Variants in IL19 observed in about 807,000 individuals in gnomAD.
The protein encoded by IL19 is interleukin 19.
In IL19, 15 loss-of-function variants were observed where a neutral mutation model predicts 19.5. The ratio of observed to expected loss-of-function variants is 0.77; its 90% confidence interval spans 0.52 to 1.19. The LOEUF is 1.19. IL19 is among the 50% of genes most tolerant of loss of function. The pLI is 0.00. For missense variants in IL19, 199 were observed against 213.1 expected (o/e 0.93, Z 0.41); for synonymous variants, 78 against 78.3 (o/e 1.00, Z 0.02).
intron 2 of IL19, chr1:206,833,649 C>T (rs901567656): frequency 1.0e-6 from 1 of 984,974 alleles, no homozygotes; most frequent in African/African-American, 1.7e-5. Context: ...GTCTTCTAGC[C>T]CAAGAATAAG....
intron 1 of IL19, among the ~76,000 whole-genome samples, chr1:206,785,260 A>G (rs188652966): frequency 2.5e-4 from 38 of 152,330 alleles, no homozygotes; most frequent in South Asian, 1.0e-3. Context: ...GAACACAAAC[A>G]TATATATAAT....
chr1:206,784,553 G>A (rs1675222118), intron 1 of IL19, among the ~76,000 whole-genome samples: 1 of 152,198 alleles, frequency 6.6e-6, no homozygotes, highest in Admixed American at 6.5e-5. Context: ...CCAGCACTTT[G>A]AGGTTGCAGT....
chr1:206,776,144 C>G (rs760132772), intron 1 of IL19, among the ~76,000 whole-genome samples: 1 of 152,164 alleles, frequency 6.6e-6, no homozygotes, highest in Non-Finnish European at 1.5e-5. Context: ...GAAGGAAAAC[C>G]TGAGTAAGCA....
intron 2 of IL19, among the ~76,000 whole-genome samples, chr1:206,828,483 C>T (rs369618954): frequency 6.8e-4 from 104 of 152,320 alleles, no homozygotes; most frequent in Middle Eastern, 3.4e-3. Context: ...TGCTCCAATT[C>T]TTTCCTGTGT....
chr1:206,801,319 G>A (rs1675703025), intron 2 of IL19, among the ~76,000 whole-genome samples: 2 of 152,158 alleles, frequency 1.3e-5, no homozygotes, highest in African/African-American at 4.8e-5. Context: ...AATGTTCCTT[G>A]GAGATGACAG....
intron 2 of IL19, among the ~76,000 whole-genome samples, chr1:206,808,621 G>A (rs1675920862): frequency 6.6e-6 from 1 of 152,090 alleles, no homozygotes; most frequent in Non-Finnish European, 1.5e-5. Context: ...GGGAGGGTGA[G>A]GAGCCCCTAA....
At chr1:206,771,702 G>A (rs567598552) in intron 1 of IL19, among the ~76,000 whole-genome samples, 2 of 152,288 alleles carry the variant, frequency 1.3e-5, no homozygotes, top group South Asian at 4.1e-4. Context: ...AGCTACATTC[G>A]GCTTTAAGGG....
chr1:206,808,227 T>A (rs1197931182), intron 2 of IL19, among the ~76,000 whole-genome samples: 2 of 152,150 alleles, frequency 1.3e-5, no homozygotes, highest in African/African-American at 2.4e-5. Context: ...GCTACTCTGG[T>A]GGCTGAGGCA....
At chr1:206,786,488 T>C (rs1341371553) in intron 1 of IL19, among the ~76,000 whole-genome samples, 2 of 152,172 alleles carry the variant, frequency 1.3e-5, no homozygotes, top group African/African-American at 4.8e-5. Context: ...AAGGCAAGGT[T>C]CTTGGTGGAG....
At chr1:206,775,211 T>A (rs1674961323) in intron 1 of IL19, among the ~76,000 whole-genome samples, 1 of 151,854 alleles carries the variant, frequency 6.6e-6, no homozygotes, top group African/African-American at 2.4e-5. Context: ...CGGCTAAGTT[T>A]TTTTATTTTT....
chr1:206,811,713 A>G (rs1044484474), intron 2 of IL19, among the ~76,000 whole-genome samples: 1 of 152,142 alleles, frequency 6.6e-6, no homozygotes, highest in East Asian at 1.9e-4. Flanking sequence ...TTGAATACCA[A>G]CACTGCTGAA....
At chr1:206,771,327 C>T in intron 1 of IL19, 1 of 1,597,764 alleles carries the variant, frequency 6.3e-7, no homozygotes, top group Non-Finnish European at 8.6e-7. Context: ...ATGCTGCACA[C>T]TCCCCCAGCA....
Position 206,771,314 on chromosome 1 carries a change from A to G in IL19, c.-149+236A>G, listed in dbSNP as rs3024506. The stretch of plus-strand genomic sequence containing the variant: ...AGGAAGCAGAGTCTCCCTTCCCTTA[A>G]TCATGCTGCACACTCCCCCAGCACC... On this transcript the variant is annotated intron_variant, in intron 1 of 6. Transcript: ENST00000659997. The G allele has an allele frequency of 3.1e-3, 4,783 of 1,561,460 alleles. 6 individuals are homozygous for G. Among genetic ancestry groups the G allele is most frequent in the Non-Finnish European group, 3.8e-3 (4,354 of 1,132,832 alleles).
At chr1:206,802,211 T>A (rs1167160431) in intron 2 of IL19, among the ~76,000 whole-genome samples, 6 of 152,108 alleles carry the variant, frequency 3.9e-5, no homozygotes, top group African/African-American at 1.2e-4. Context: ...GTGATGGAGA[T>A]GGGATTAGAC....
At chr1:206,795,485 T>G (rs1675499888) in intron 1 of IL19, among the ~76,000 whole-genome samples, 1 of 152,204 alleles carries the variant, frequency 6.6e-6, no homozygotes, top group Non-Finnish European at 1.5e-5. Context: ...CCTACTCCTC[T>G]CCTACTGACC....
In IL19 at chr1:206,803,152, C is replaced by T. The variant is rs142041691; in HGVS notation, c.-3+4146C>T. Among the ~76,000 whole-genome samples the T allele has an allele frequency of 1.2e-3, 178 of 149,560 alleles. No homozygotes were observed. The Middle Eastern group carries it at 0.018, about 15-fold the overall frequency. On this transcript the variant is annotated intron_variant, in intron 2 of 6. Transcript: ENST00000659997. ...CTTTTTGTGGGGCTTGAGAGTCTGC[C>T]TTTTAAAATAGCACCCCAGAGAGTC...
chr1:206,830,819 C>T (rs561395710), intron 2 of IL19, among the ~76,000 whole-genome samples: 75 of 152,208 alleles, frequency 4.9e-4, no homozygotes, highest in Non-Finnish European at 9.1e-4. Context: ...CCTCGTGATC[C>T]GCCCGCCTTG....
intron 2 of IL19, among the ~76,000 whole-genome samples, chr1:206,834,721 G>A (rs1255437953): frequency 6.6e-6 from 1 of 152,182 alleles, no homozygotes; most frequent in Non-Finnish European, 1.5e-5. Flanking sequence ...TTAATCCTTT[G>A]CAATGTGAAA....
At chr1:206,797,101 C>T (rs1675542608) in intron 1 of IL19, among the ~76,000 whole-genome samples, 1 of 152,178 alleles carries the variant, frequency 6.6e-6, no homozygotes, top group African/African-American at 2.4e-5. Flanking sequence ...AGGGCTCACT[C>T]CCTGCAGTGT....
Sources: gnomAD v4.1 joint callset for allele counts (sites outside exome capture counted in the v4.1 genomes callset) on GRCh38, gnomAD v4.1.1 for gene constraint, MANE v1.5 for transcripts, NCBI Gene and HGNC (gene_info 2026-07-23, HGNC 2026-07-21) for gene names.